TP53BP2: variants seen among roughly 807,000 people sequenced by gnomAD.
The protein encoded by TP53BP2 is apoptosis-stimulating of p53 protein 2.
Under a neutral mutation model 126.2 loss-of-function variants are expected in TP53BP2, and 62 were observed. That is an observed-to-expected ratio of 0.49 (90% CI 0.40 to 0.61). TP53BP2 has a LOEUF of 0.61. TP53BP2 is among the 20% of genes least tolerant of loss of function. The pLI, the probability that TP53BP2 is intolerant of heterozygous loss-of-function variation, is 0.00. For missense variants in TP53BP2, 1,215 were observed against 1,402.8 expected (o/e 0.87, Z 2.14); for synonymous variants, 485 against 502.9 (o/e 0.96, Z 0.48).
In TP53BP2 at chr1:223,798,534, A is replaced by G; in HGVS notation, c.1629T>C (p.Val543=). The part of the protein sequence containing the change: ...DGSSQQLSTV[V]PSMGTKPKPA... ...GTTTTGGTTTAGTTCCCATGGACGG[A>G]ACAACTGTTGACAACTGCTGAGAAC... is the stretch of plus-strand genomic sequence containing the variant. The change falls in exon 12 of 18, where the codon GTT becomes GTC. Residue 543 remains valine, a synonymous_variant. Coordinates refer to ENST00000343537, the MANE Select transcript of TP53BP2 (RefSeq NM_001031685.3). 2 of 1,614,166 alleles carry G rather than the reference A, an allele frequency of 1.2e-6. No individual in the cohort carries two copies. Among genetic ancestry groups the G allele is most frequent in the Admixed American group, 1.7e-5 (1 of 60,026 alleles).
intron 1 of TP53BP2, among the ~76,000 whole-genome samples, chr1:223,824,371 T>C (rs1241402995): frequency 6.6e-6 from 1 of 152,318 alleles, no homozygotes; most frequent in East Asian, 1.9e-4. Context: ...AGTGTACGAG[T>C]TGACCCCGCT....
rs1340127259 is a variant in TP53BP2, at chr1:223,796,357, G to T, written c.2182C>A (p.Arg728=). The T allele has an allele frequency of 6.2e-7, 1 of 1,614,022 alleles. No homozygotes were observed. The highest frequency in any genetic ancestry group is 1.3e-5 in the African/African-American group (1 of 74,912). ...CTTGGTGCGTTAGACAGTTTCTTTC[G>T]TAAGGCTTCTAGGTCAGCATCACTC... is the stretch of plus-strand genomic sequence containing the variant. ...NQSDADLEAL[R]KKLSNAPRPL... The change falls in exon 13 of 18, where the codon CGA becomes AGA. Residue 728 remains arginine, a synonymous_variant. Transcript: ENST00000343537. This position sits in a 1 kb window ranked among gnomAD's most constrained non-coding sequence, Gnocchi z 4.2.
At chr1:223,793,125 C>T (rs532995880) in intron 14 of TP53BP2, among the ~76,000 whole-genome samples, 178 bp downstream of exon 14, 1 of 152,180 alleles carries the variant, frequency 6.6e-6, no homozygotes, top group South Asian at 2.1e-4. Context: ...TGAACACAAC[C>T]CCACAATGCC....
At chr1:223,804,394 A>G in intron 5 of TP53BP2, 46 bp from the exon 6 acceptor site, 1 of 1,566,470 alleles carries the variant, frequency 6.4e-7, no homozygotes, top group Non-Finnish European at 8.7e-7. Context: ...AGGTAAGTAC[A>G]CCACTAAGCT....
At chr1:223,845,124 A>G (rs1471174706) in intron 1 of TP53BP2, 1 of 494,430 alleles carries the variant, frequency 2.0e-6, no homozygotes, top group Admixed American at 6.4e-5. Flanking sequence ...CTGCAATCTA[A>G]AACTTCCGAG....
intron 16 of TP53BP2, among the ~76,000 whole-genome samples, chr1:223,788,266 A>G (rs1164787835): frequency 6.6e-6 from 1 of 152,114 alleles, no homozygotes; most frequent in Non-Finnish European, 1.5e-5. Context: ...CTTCCAATCA[A>G]CTGGGAAAGG....
Position 223,802,885 on chromosome 1 carries a change from T to C in TP53BP2, c.842A>G (p.Lys281Arg), listed in dbSNP as rs773766877. The C allele has an allele frequency of 6.2e-7, 1 of 1,614,110 alleles. No homozygotes were observed. The highest frequency in any genetic ancestry group is 1.1e-5 in the South Asian group (1 of 91,078). ...CTTGGCATTCTGCTCTTGATTCAAT[T>C]TGTTTCTTAGCTGAATAAAAGAGAG... ...RLYKELQLRN[K>R]LNQEQNAKLQ... The change falls in exon 8 of 18, where the codon AAA becomes AGA. Residue 281 changes from lysine (K) to arginine (R), a missense_variant. Physicochemically the swap from Lys to Arg is conservative, Grantham distance 26 (BLOSUM62 2). This residue lies in a region of TP53BP2 where 814 missense variants were observed against 853.0 expected (regional missense o/e 0.95). Transcript: ENST00000343537.
In TP53BP2 at chr1:223,821,424, C is replaced by T. The variant is rs1210290645; in HGVS notation, c.28-57G>A. 1.9e-5 allele frequency: 31 copies of T among 1,607,322 alleles called. 1 individual carries two copies. Among genetic ancestry groups the T allele is most frequent in the African/African-American group, 1.9e-4 (14 of 74,762 alleles). On this transcript the variant is annotated intron_variant, in intron 1 of 17. Coordinates refer to ENST00000343537, the MANE Select transcript of TP53BP2 (RefSeq NM_001031685.3). Reference sequence around the variant, plus strand: ...GGTACTGTCTGCCTAATGTGGTATTCACCTTAAATTCCTTTCTCCAAACAA... The same window carrying T: ...GGTACTGTCTGCCTAATGTGGTATTTACCTTAAATTCCTTTCTCCAAACAA...
intron 1 of TP53BP2, among the ~76,000 whole-genome samples, chr1:223,833,408 A>G (rs1015524394): frequency 6.6e-5 from 10 of 152,190 alleles, no homozygotes; most frequent in African/African-American, 1.9e-4. Context: ...CTCAATATCA[A>G]TTTGAACAAT....
intron 2 of TP53BP2, among the ~76,000 whole-genome samples, chr1:223,820,777 C>A (rs1378576686): frequency 2.0e-5 from 3 of 152,178 alleles, no homozygotes; most frequent in African/African-American, 7.2e-5. Flanking sequence ...AAGAACCATA[C>A]AGAAGGATTG....
At chr1:223,804,799 T>C (rs1662660111) in intron 5 of TP53BP2, among the ~76,000 whole-genome samples, 1 of 152,194 alleles carries the variant, frequency 6.6e-6, no homozygotes, top group Non-Finnish European at 1.5e-5. Flanking sequence ...TCACCAAGCA[T>C]GCAAGTCTAT....
chr1:223,827,064 A>G (rs1225974604), intron 1 of TP53BP2, among the ~76,000 whole-genome samples: 6 of 152,322 alleles, frequency 3.9e-5, no homozygotes, highest in African/African-American at 1.2e-4. Context: ...TGAGGCCTCT[A>G]TGTTAAATAT....
At chr1:223,845,480 G>A (rs1664235861) in intron 1 of TP53BP2, among the ~76,000 whole-genome samples, 174 bp downstream of exon 1, 2 of 152,198 alleles carry the variant, frequency 1.3e-5, no homozygotes, top group Non-Finnish European at 2.9e-5. Context: ...GCAGAGCCCA[G>A]AGGATGGAGC....
At chr1:223,784,688 C>A (rs1421522343) in intron 16 of TP53BP2, among the ~76,000 whole-genome samples, 1 of 152,142 alleles carries the variant, frequency 6.6e-6, no homozygotes, top group East Asian at 1.9e-4. Flanking sequence ...CAATTTCAGC[C>A]TACTCCCAAA....
intron 1 of TP53BP2, among the ~76,000 whole-genome samples, chr1:223,842,190 G>T (rs915777103): frequency 2.6e-5 from 4 of 152,050 alleles, no homozygotes. Flanking sequence ...CACCCACCTC[G>T]GCCTCCCAAA....
In TP53BP2 at chr1:223,845,711, C is replaced by A; in HGVS notation, c.-31G>T. 6.6e-7 allele frequency: 1 copy of A among 1,525,824 alleles called. No individual in the cohort carries two copies. The highest frequency in any genetic ancestry group is 2.0e-5 in the Admixed American group (1 of 50,842). The allele number at this position is 1,525,824 out of a possible 1,614,324, so 94.5% of individuals were successfully genotyped here. On this transcript the variant is annotated 5_prime_UTR_variant, in exon 1 of 18. Coordinates refer to ENST00000343537, the MANE Select transcript of TP53BP2 (RefSeq NM_001031685.3). ...CGGGTGGCCAGACTGCGGCCCCGGCCGAGCTGAGGTGCCCCGGAGGGTCGC... is the reference window on the plus strand; with the variant it reads ...CGGGTGGCCAGACTGCGGCCCCGGCAGAGCTGAGGTGCCCCGGAGGGTCGC...
chr1:223,822,677 C>A lies in TP53BP2; in HGVS notation c.28-1310G>T, dbSNP rs12036390. Among the ~76,000 whole-genome samples, 759 of 149,054 alleles carry A rather than the reference C, an allele frequency of 5.1e-3. 29 individuals are homozygous for A. The East Asian group carries it at 0.11, about 21-fold the overall frequency. Reference sequence around the variant, plus strand: ...CCCTGACTCAAAAAAAAAAAAACAACAAAAAAACCTAACAATCTTGACAAT... The same window carrying A: ...CCCTGACTCAAAAAAAAAAAAACAAAAAAAAAACCTAACAATCTTGACAAT... On this transcript the variant is annotated intron_variant, in intron 1 of 17. Transcript: ENST00000343537.
At chr1:223,783,906 C>G (rs1330497130) in intron 17 of TP53BP2, among the ~76,000 whole-genome samples, 2 of 152,114 alleles carry the variant, frequency 1.3e-5, no homozygotes, top group Non-Finnish European at 2.9e-5. Flanking sequence ...AGGGAGGACC[C>G]CTGACCTCCA....
intron 1 of TP53BP2, among the ~76,000 whole-genome samples, chr1:223,825,081 C>T (rs1294522568): frequency 6.7e-6 from 1 of 149,874 alleles, no homozygotes; most frequent in African/African-American, 2.5e-5. Flanking sequence ...GCTTTATTTC[C>T]CTCCTTAGCA....
Sources: allele counts gnomAD v4.1 joint callset (sites outside exome capture counted in the v4.1 genomes callset), GRCh38; gene constraint gnomAD v4.1.1; regional missense constraint gnomAD v4.1.1; non-coding constraint Gnocchi (gnomAD v3.1); transcripts MANE v1.5; gene names NCBI Gene and HGNC (gene_info 2026-07-23, HGNC 2026-07-21).